The following LRP1B variants were observed in gnomAD, a reference collection of about 807,000 sequenced individuals.
The protein encoded by LRP1B is low-density lipoprotein receptor-related protein 1B.
Under a neutral mutation model 556.6 loss-of-function variants are expected in LRP1B, and 217 were observed. That is an observed-to-expected ratio of 0.39 (90% CI 0.35 to 0.44). LRP1B has a LOEUF of 0.44. Among genes scored for constraint, LRP1B ranks in the 20% least tolerant of loss-of-function variants. LRP1B has a pLI of 1.00. For missense variants in LRP1B, 5,053 were observed against 5,620.8 expected (o/e 0.90, Z 3.23); for synonymous variants, 2,047 against 1,865.8 (o/e 1.10, Z -2.50).
chr2:140,838,116 G>T (rs1462390261), intron 31 of LRP1B, among the ~76,000 whole-genome samples: 5 of 152,024 alleles, frequency 3.3e-5, no homozygotes, highest in East Asian at 3.9e-4. Flanking sequence ...AAAAGATAAG[G>T]TTTTCACCAT....
intron 2 of LRP1B, among the ~76,000 whole-genome samples, chr2:141,625,229 G>T (rs6758573): frequency 0.32 from 48,974 of 152,006 alleles, 8,420 homozygotes; most frequent in Non-Finnish European, 0.39. Context: ...TCTTCAATAA[G>T]ACACCAATAC....
In LRP1B at chr2:140,902,987, G is replaced by C. The variant is rs2105222752; in HGVS notation, c.3699C>G (p.His1233Gln). 1.2e-6 allele frequency: 2 copies of C among 1,613,670 alleles called. No individual in the cohort carries two copies. The highest frequency in any genetic ancestry group is 1.7e-6 in the Non-Finnish European group (2 of 1,179,738). Residue 1233 changes from histidine (H) to glutamine (Q), a missense_variant, in exon 23 of 91, where the codon CAC becomes CAG. His to Gln is a conservative substitution (Grantham distance 24). Around this residue, in one of 5 missense-constraint regions of LRP1B, gnomAD observed 3,619 missense variants for 3,931.9 expected, o/e 0.92. Transcript: ENST00000389484. ...KCSQVCEQHK[H>Q]TVKCSCYEGW... ...CTTCATAACATGAGCACTTGACTGT[G>C]TGCTTGTGCTGCTCACATACTTGGC...
intron 1 of LRP1B, among the ~76,000 whole-genome samples, chr2:141,863,780 T>G (rs1698323605): frequency 6.6e-6 from 1 of 152,090 alleles, no homozygotes; most frequent in Non-Finnish European, 1.5e-5. Context: ...TTAAACCTAT[T>G]TGATTCATTG....
intron 77 of LRP1B, among the ~76,000 whole-genome samples, chr2:140,341,248 G>A (rs953138940): frequency 3.3e-5 from 5 of 151,552 alleles, no homozygotes; most frequent in African/African-American, 7.2e-5. Context: ...GCTGAGTTTC[G>A]TAGATCATTT....
intron 1 of LRP1B, among the ~76,000 whole-genome samples, chr2:142,072,516 C>T (rs1336847022): frequency 1.3e-5 from 2 of 152,008 alleles, no homozygotes; most frequent in African/African-American, 2.4e-5. Flanking sequence ...GCCCACAGGG[C>T]ACATGTGGCC....
At chr2:140,266,678 A>G (rs1446653621) in intron 86 of LRP1B, among the ~76,000 whole-genome samples, 1 of 151,976 alleles carries the variant, frequency 6.6e-6, no homozygotes, top group Non-Finnish European at 1.5e-5. Context: ...TTGAAAAAAG[A>G]TGTTCAACCC....
intron 43 of LRP1B, among the ~76,000 whole-genome samples, chr2:140,543,253 A>T (rs999702473): frequency 6.6e-6 from 1 of 152,074 alleles, no homozygotes; most frequent in African/African-American, 2.4e-5. Flanking sequence ...TTTTGCTTTC[A>T]CTTTAAGAAA....
chr2:142,077,467 C>A (rs1705547601), intron 1 of LRP1B, among the ~76,000 whole-genome samples: 1 of 152,010 alleles, frequency 6.6e-6, no homozygotes, highest in African/African-American at 2.4e-5. Flanking sequence ...TCTTCACTTG[C>A]AACTACATAT....
intron 2 of LRP1B, among the ~76,000 whole-genome samples, chr2:141,772,890 C>A (rs898760362): frequency 6.6e-6 from 1 of 152,130 alleles, no homozygotes; most frequent in Non-Finnish European, 1.5e-5. Context: ...TCAGGGCTGG[C>A]CTTACTAGCT....
chr2:141,143,457 T>C (rs1328511255), intron 7 of LRP1B, among the ~76,000 whole-genome samples: 1 of 152,194 alleles, frequency 6.6e-6, no homozygotes, highest in African/African-American at 2.4e-5. Flanking sequence ...GGTTAATTTA[T>C]TTAATTATTT....
intron 3 of LRP1B, among the ~76,000 whole-genome samples, chr2:141,427,074 T>C (rs1193400056): frequency 2.0e-5 from 3 of 152,122 alleles, no homozygotes; most frequent in African/African-American, 7.2e-5. Context: ...CCTCCCTGTG[T>C]CCATGAGTTC....
chr2:140,963,163 A>G (rs1226269875), intron 18 of LRP1B, among the ~76,000 whole-genome samples: 3 of 152,190 alleles, frequency 2.0e-5, no homozygotes, highest in Non-Finnish European at 4.4e-5. Context: ...CTGGATCAAT[A>G]TAGGACTTCA....
At chr2:140,503,317 A>G (rs758790293) in intron 53 of LRP1B, among the ~76,000 whole-genome samples, 82 of 152,114 alleles carry the variant, frequency 5.4e-4, no homozygotes, top group Non-Finnish European at 9.1e-4. Flanking sequence ...TTGGAAACTA[A>G]CATTCTTATT....
chr2:140,615,551 A>T (rs1213637090), intron 41 of LRP1B, among the ~76,000 whole-genome samples: 1 of 152,140 alleles, frequency 6.6e-6, no homozygotes, highest in Non-Finnish European at 1.5e-5. Context: ...TGACTTGGTT[A>T]TGCTTAAAGA....
At chr2:140,603,194 A>G (rs2105204233) in intron 41 of LRP1B, among the ~76,000 whole-genome samples, 1 of 152,182 alleles carries the variant, frequency 6.6e-6, no homozygotes, top group African/African-American at 2.4e-5. Context: ...TCTACAAGGT[A>G]TTAATGAGGG....
chr2:141,319,178 G>A (rs546030928), intron 3 of LRP1B, among the ~76,000 whole-genome samples: 35 of 151,746 alleles, frequency 2.3e-4, no homozygotes, highest in South Asian at 1.5e-3. Flanking sequence ...TTGTAATATC[G>A]TCAACAAATA....
At chr2:140,561,396 C>T (rs1680925302) in intron 43 of LRP1B, among the ~76,000 whole-genome samples, 1 of 152,180 alleles carries the variant, frequency 6.6e-6, no homozygotes, top group Non-Finnish European at 1.5e-5. Flanking sequence ...GATCATATTT[C>T]TACATGGCTG....
chr2:141,147,997 A>G (rs1701828493), intron 7 of LRP1B, among the ~76,000 whole-genome samples: 1 of 152,208 alleles, frequency 6.6e-6, no homozygotes, highest in African/African-American at 2.4e-5. Context: ...CTAGCTATGA[A>G]ATAGGCTACA....
At chr2:141,666,242 A>T (rs1481222892) in intron 2 of LRP1B, among the ~76,000 whole-genome samples, 2 of 152,210 alleles carry the variant, frequency 1.3e-5, no homozygotes, top group Non-Finnish European at 2.9e-5. Context: ...AGACAAGCTC[A>T]TTGTAGGCAA....
Sources: allele counts gnomAD v4.1 joint callset (sites outside exome capture counted in the v4.1 genomes callset), GRCh38; gene constraint gnomAD v4.1.1; regional missense constraint gnomAD v4.1.1; transcripts MANE v1.5; gene names NCBI Gene and HGNC (gene_info 2026-07-23, HGNC 2026-07-21).